The following PRKG1 variants were observed in gnomAD, a reference collection of about 807,000 sequenced individuals.
PRKG1 encodes the protein cGMP-dependent protein kinase 1.
In PRKG1, 35 loss-of-function variants were observed where a neutral mutation model predicts 88.1. The observed-to-expected ratio is 0.40, with a 90% confidence interval of 0.30 to 0.53. PRKG1 has a LOEUF of 0.53. PRKG1 is among the 20% of genes least tolerant of loss of function. The pLI is 0.59. For synonymous variants in PRKG1, 303 were observed against 292.5 expected (o/e 1.04, Z -0.37); for missense variants, 540 against 839.8 (o/e 0.64, Z 4.41).
At chr10:51,212,692 T>G (rs1292528683) in intron 2 of PRKG1, among the ~76,000 whole-genome samples, 1 of 152,160 alleles carries the variant, frequency 6.6e-6, no homozygotes, top group Non-Finnish European at 1.5e-5. Context: ...AAGACATTTA[T>G]GCAGCCAAAA....
chr10:52,069,259 G>C (rs1846433420), intron 7 of PRKG1, among the ~76,000 whole-genome samples: 1 of 152,052 alleles, frequency 6.6e-6, no homozygotes, highest in African/African-American at 2.4e-5. Context: ...TGCTGGGCAT[G>C]GTGGCTCATG....
intron 3 of PRKG1, among the ~76,000 whole-genome samples, chr10:51,724,532 T>C (rs11818286): frequency 0.089 from 13,557 of 152,222 alleles, 717 homozygotes; most frequent in African/African-American, 0.14. Context: ...TATTTACTTC[T>C]TTTAAATTTT....
At chr10:51,528,228 T>C (rs1002580360) in intron 3 of PRKG1, among the ~76,000 whole-genome samples, 5 of 152,234 alleles carry the variant, frequency 3.3e-5, no homozygotes, top group African/African-American at 1.2e-4. Context: ...TTTTAATCAG[T>C]ACCTCCTCTC....
intron 2 of PRKG1, among the ~76,000 whole-genome samples, chr10:51,218,670 A>G (rs1165827180): frequency 6.6e-6 from 1 of 151,568 alleles, no homozygotes. Context: ...ATATTATTTT[A>G]TGAGGTAATG....
rs181930297 is a variant in PRKG1, at chr10:51,426,022, T to C, written c.479-41701T>C. On this transcript the variant is annotated intron_variant, in intron 2 of 17. Transcript: ENST00000373980. ...TAGGAGCGGTGGCTCATGCCTGTAA[T>C]CCCAGCACTTTGGGAGGCCGAGGCG... is the stretch of plus-strand genomic sequence containing the variant. Among the ~76,000 whole-genome samples, 834 of 152,280 alleles carry C rather than the reference T, an allele frequency of 5.5e-3. 10 individuals are homozygous for C. The highest frequency in any genetic ancestry group is 0.019 in the African/African-American group (784 of 41,538).
rs551984705 is a variant in PRKG1, at chr10:51,729,656, G to A, written c.593-74929G>A. ...CAGGAGGCGGAGTTTGCAGTGAGCC[G>A]AGGTCATGCAACTGCACTCCAGCCT... On this transcript the variant is annotated intron_variant, in intron 3 of 17. Transcript: ENST00000373980. 3.9e-5 allele frequency among the ~76,000 whole-genome samples: 5 copies of A among 129,612 alleles called. No homozygotes were observed. In the South Asian group the frequency reaches 7.7e-4, roughly 20 times the overall value. The allele number at this position is 129,612 out of a possible 152,430, so 85.0% of individuals were successfully genotyped here.
chr10:51,290,609 T>C (rs1840559262), intron 2 of PRKG1, among the ~76,000 whole-genome samples: 1 of 152,178 alleles, frequency 6.6e-6, no homozygotes. Flanking sequence ...TTTCTCTTAT[T>C]CCTGAGTAAA....
intron 4 of PRKG1, among the ~76,000 whole-genome samples, chr10:51,889,906 T>C (rs1373910251): frequency 6.6e-6 from 1 of 152,196 alleles, no homozygotes; most frequent in Non-Finnish European, 1.5e-5. Context: ...GATGGGGTTA[T>C]TTGTTTTTTT....
rs4041278 is a variant in PRKG1 at position 51,602,732 on chromosome 10, A to ATGTGTGTGTG, written c.592+134936_592+134945dup. On this transcript the variant is annotated intron_variant, in intron 3 of 17. Transcript: ENST00000373980. ...GCCTGGCTGGCTTTGATTAATATAT[A>ATGTGTGTGTG]TGTGTGTGTGTGTGTGTGTGTGTGT... is the stretch of plus-strand genomic sequence containing the variant. Among the ~76,000 whole-genome samples, 134 of 128,904 alleles carry ATGTGTGTGTG rather than the reference A, an allele frequency of 1.0e-3. 1 individual carries two copies. Among genetic ancestry groups the ATGTGTGTGTG allele is most frequent in the African/African-American group, 3.9e-3 (103 of 26,486 alleles). The allele number at this position is 128,904 out of a possible 152,430, so 84.6% of individuals were successfully genotyped here.
intron 2 of PRKG1, among the ~76,000 whole-genome samples, chr10:51,459,279 T>C (rs293286): frequency 0.56 from 84,858 of 151,880 alleles, 25,190 homozygotes; most frequent in African/African-American, 0.75. Context: ...GTAGGACATT[T>C]ATTCTGGCAA....
In PRKG1 at chr10:52,280,881, A is replaced by G; in HGVS notation, c.1496A>G (p.Asp499Gly). ...CATTCCAAAGGAATCATTTACAGGG[A>G]CCTCAAGCCAGAAAATCTCATCCTA... ...YLHSKGIIYR[D>G]LKPENLILDH... The change falls in exon 13 of 18, where the codon GAC becomes GGC. Residue 499 changes from aspartate (D) to glycine (G), a missense_variant. Physicochemically the swap from Asp to Gly is moderately conservative, Grantham distance 94. Transcript: ENST00000373980. 6.2e-7 allele frequency: 1 copy of G among 1,613,490 alleles called. No homozygotes were observed. The highest frequency in any genetic ancestry group is 1.7e-4 in the Middle Eastern group (1 of 6,056).
intron 3 of PRKG1, among the ~76,000 whole-genome samples, chr10:51,554,241 A>T (rs1837243773): frequency 6.8e-6 from 1 of 146,962 alleles, no homozygotes; most frequent in Non-Finnish European, 1.5e-5. Flanking sequence ...TATGATATGT[A>T]TATATATTAT....
chr10:51,132,438 A>T (rs796366129), intron 1 of PRKG1, among the ~76,000 whole-genome samples: 5 of 152,294 alleles, frequency 3.3e-5, no homozygotes, highest in African/African-American at 1.2e-4. Flanking sequence ...TGAAAAACTT[A>T]ACAGTCAACA....
intron 2 of PRKG1, among the ~76,000 whole-genome samples, chr10:51,388,570 G>A (rs1837312511): frequency 6.6e-6 from 1 of 152,128 alleles, no homozygotes; most frequent in Non-Finnish European, 1.5e-5. Flanking sequence ...TTCAGTAAAA[G>A]GGCAACAGTG....
intron 9 of PRKG1, among the ~76,000 whole-genome samples, chr10:52,248,609 A>T (rs536985842): frequency 6.6e-5 from 10 of 152,226 alleles, no homozygotes; most frequent in Non-Finnish European, 1.3e-4. Context: ...ATATCTTTGC[A>T]TCAAAACGTG....
intron 5 of PRKG1, among the ~76,000 whole-genome samples, chr10:52,023,893 C>T (rs1845256438): frequency 6.6e-6 from 1 of 152,166 alleles, no homozygotes; most frequent in African/African-American, 2.4e-5. Context: ...GTTTCTTTTG[C>T]TGTGCAGAAG....
At chr10:51,387,638 G>A (rs966951489) in intron 2 of PRKG1, among the ~76,000 whole-genome samples, 3 of 152,194 alleles carry the variant, frequency 2.0e-5, no homozygotes, top group African/African-American at 4.8e-5. Flanking sequence ...ACAAATATTC[G>A]AAAGGCCAGC....
chr10:52,253,946 A>G (rs972348674), intron 10 of PRKG1, among the ~76,000 whole-genome samples: 1 of 151,868 alleles, frequency 6.6e-6, no homozygotes. Flanking sequence ...CAGAATGCCT[A>G]TATTGTCTTC....
rs539279268 is a variant in PRKG1, at chr10:51,633,422, A to G, written c.592+165586A>G. On this transcript the variant is annotated intron_variant, in intron 3 of 17. Coordinates refer to ENST00000373980, the MANE Select transcript of PRKG1 (RefSeq NM_006258.4). ...GGAAAATATAAAGCATTGCAAACTCAAAAGCACATATAAATCAAGTCACTT... is the reference window on the plus strand; with the variant it reads ...GGAAAATATAAAGCATTGCAAACTCGAAAGCACATATAAATCAAGTCACTT... 4.6e-5 allele frequency among the ~76,000 whole-genome samples: 7 copies of G among 152,220 alleles called. No individual in the cohort carries two copies. The South Asian group carries it at 6.2e-4, about 14-fold the overall frequency.
Sources: gnomAD v4.1 joint callset for allele counts (sites outside exome capture counted in the v4.1 genomes callset) on GRCh38, gnomAD v4.1.1 for gene constraint, MANE v1.5 for transcripts, NCBI Gene and HGNC (gene_info 2026-07-23, HGNC 2026-07-21) for gene names.